The following ZFPM1 variants were observed in gnomAD, a reference collection of about 807,000 sequenced individuals.
ZFPM1 encodes zinc finger protein, FOG family member 1.
In ZFPM1, 28 loss-of-function variants were observed where a neutral mutation model predicts 46.3. That is an observed-to-expected ratio of 0.60 (90% confidence interval 0.45 to 0.83). The LOEUF is 0.83. Among genes scored for constraint, ZFPM1 ranks in the 40% least tolerant of loss-of-function variants. ZFPM1 has a pLI of 0.00. For synonymous variants in ZFPM1, 957 were observed against 675.9 expected (o/e 1.42, Z -6.45); for missense variants, 1,878 against 1,432.4 (o/e 1.31, Z -5.02).
chr16:88,534,912 G>T lies in ZFPM1; in HGVS notation c.2954G>T (p.Ser985Ile). ...CGTCTTTGCAACATCAAGTTCAGCA[G>T]CCTGTCCACCTTCATCGCCCACAAG... ...YCRLCNIKFS[S>I]LSTFIAHKKY... is the part of the protein sequence containing the mutation. Residue 985 changes from serine (S) to isoleucine (I), a missense_variant, in exon 10 of 10, where the codon AGC becomes ATC. Coordinates refer to ENST00000319555, the MANE Select transcript of ZFPM1 (RefSeq NM_153813.3). 1 of 1,558,684 alleles carries T rather than the reference G, an allele frequency of 6.4e-7. No individual in the cohort carries two copies. Among genetic ancestry groups the T allele is most frequent in the Non-Finnish European group, 8.7e-7 (1 of 1,155,562 alleles).
Position 88,528,071 on chromosome 16 carries a change from CG to C in ZFPM1, c.551del (p.Gly184AspfsTer3). ...TGCAGGGTCACCAAGCCGGTGCCTG[CG>C]GGGGGACTCCTGAGCGTGCTCCTCA... Reference protein sequence around the residue: ...LWCRVTKPVPAGGLLSVLLTA... With the variant: ...LWCRVTKPVPXGGLLSVLLTA... On this transcript the variant is annotated frameshift_variant, in exon 6 of 10. Coordinates refer to ENST00000319555, the MANE Select transcript of ZFPM1 (RefSeq NM_153813.3). LOFTEE classifies it high-confidence loss of function. 1.3e-6 allele frequency: 2 copies of C among 1,563,410 alleles called. No individual in the cohort carries two copies. Among genetic ancestry groups the C allele is most frequent in the Non-Finnish European group, 1.7e-6 (2 of 1,154,108 alleles).
chr16:88,491,482 G>A (rs111685492), intron 3 of ZFPM1, among the ~76,000 whole-genome samples: 5 of 152,346 alleles, frequency 3.3e-5, no homozygotes, highest in African/African-American at 4.8e-5. Flanking sequence ...CGCATCCACC[G>A]TCATGCGGCT....
chr16:88,470,972 G>A (rs936141660), intron 1 of ZFPM1, among the ~76,000 whole-genome samples: 6 of 152,248 alleles, frequency 3.9e-5, no homozygotes, highest in Admixed American at 3.9e-4. Flanking sequence ...GTGACGCACT[G>A]ACCCAGGGCC....
chr16:88,464,384 A>G (rs1908034216), intron 1 of ZFPM1, among the ~76,000 whole-genome samples: 1 of 152,224 alleles, frequency 6.6e-6, no homozygotes. Flanking sequence ...TGCAAGTCCC[A>G]AGGCAGGAGG....
chr16:88,453,187 G>T (rs917894189), upstream of ZFPM1: 3 of 146,878 alleles, frequency 2.0e-5, no homozygotes, highest in African/African-American at 7.5e-5. Context: ...TGCAGGGCCC[G>T]GCAGGAGGCA....
intron 3 of ZFPM1, among the ~76,000 whole-genome samples, chr16:88,493,235 C>G (rs565898660): frequency 0.018 from 681 of 36,930 alleles, no homozygotes; most frequent in Middle Eastern, 0.077. Flanking sequence ...AGCTGTCCCA[C>G]GGTGAGGAGA....
Position 88,533,528 on chromosome 16 carries a change from C to G in ZFPM1, c.1570C>G (p.Leu524Val). ...VPGELGLAGA[L>V]FLPQYVFGPD... is the part of the protein sequence containing the mutation. ...CGGCGAGCTGGGCCTGGCCGGGGCCCTGTTCCTTCCGCAGTACGTGTTCGG... is the reference window on the plus strand; with the variant it reads ...CGGCGAGCTGGGCCTGGCCGGGGCCGTGTTCCTTCCGCAGTACGTGTTCGG... The change falls in exon 10 of 10, where the codon CTG becomes GTG. Residue 524 changes from leucine (L) to valine (V), a missense_variant. By Grantham distance (32) the Leu-to-Val change is conservative (BLOSUM62 1). Coordinates refer to ENST00000319555, the MANE Select transcript of ZFPM1 (RefSeq NM_153813.3). The G allele has an allele frequency of 6.9e-7, 1 of 1,451,926 alleles. No homozygotes were observed. The highest frequency in any genetic ancestry group is 2.4e-4 in the Middle Eastern group (1 of 4,144). 89.9% of individuals were successfully genotyped at this position (1,451,926 alleles called of 1,614,324 possible).
At chr16:88,462,207 G>A (rs746232513) in intron 1 of ZFPM1, among the ~76,000 whole-genome samples, 1 of 152,214 alleles carries the variant, frequency 6.6e-6, no homozygotes, top group Non-Finnish European at 1.5e-5. Flanking sequence ...GTGGTCTTGG[G>A]AGCCTCAGCT....
intron 4 of ZFPM1, among the ~76,000 whole-genome samples, chr16:88,519,623 C>G (rs111172642): frequency 0.098 from 10,198 of 104,300 alleles, 839 homozygotes; most frequent in African/African-American, 0.26. Flanking sequence ...TGGGTGGATG[C>G]ATGATTAGGT....
At chr16:88,511,680 A>G (rs36075092) in intron 3 of ZFPM1, among the ~76,000 whole-genome samples, 56,284 of 152,002 alleles carry the variant, frequency 0.37, 11,037 homozygotes, top group African/African-American at 0.48. Context: ...CTGCAGGAAC[A>G]GGGCTGGAAA....
chr16:88,509,618 T>C (rs1910844341), intron 3 of ZFPM1, among the ~76,000 whole-genome samples: 1 of 151,922 alleles, frequency 6.6e-6, no homozygotes, highest in Non-Finnish European at 1.5e-5. Context: ...GAAACAGGCC[T>C]GGGGAGGCGG....
At chr16:88,478,714 G>A (rs992765254) in intron 1 of ZFPM1, among the ~76,000 whole-genome samples, 13 of 152,234 alleles carry the variant, frequency 8.5e-5, no homozygotes, top group Non-Finnish European at 1.5e-4. Flanking sequence ...AAAAGCCTCC[G>A]CCAGAGGGAT....
At chr16:88,482,436 C>G (rs1465442575) in intron 1 of ZFPM1, among the ~76,000 whole-genome samples, 1 of 152,170 alleles carries the variant, frequency 6.6e-6, no homozygotes, top group Non-Finnish European at 1.5e-5. Flanking sequence ...TGTGCTGGAA[C>G]TGAAATTAGC....
chr16:88,533,886 C>G lies in ZFPM1; in HGVS notation c.1928C>G (p.Ala643Gly). 9.9e-7 allele frequency: 1 copy of G among 1,008,654 alleles called. No homozygotes were observed. Among genetic ancestry groups the G allele is most frequent in the Non-Finnish European group, 1.2e-6 (1 of 847,090 alleles). The allele number at this position is 1,008,654 out of a possible 1,614,324, so 62.5% of individuals were successfully genotyped here. Reference protein sequence around the residue: ...DAPRSSPGPGAREEGAGGAAT... With the variant: ...DAPRSSPGPGGREEGAGGAAT... ...CCGCGCTCGTCCCCGGGCCCCGGAG[C>G]GCGCGAGGAGGGGGCTGGGGGCGCG... The change falls in exon 10 of 10, where the codon GCG (alanine) becomes GGG (glycine). Residue 643 changes from alanine (A) to glycine (G), a missense_variant. Ala to Gly is a moderately conservative substitution (Grantham distance 60, BLOSUM62 0). Coordinates refer to ENST00000319555, the MANE Select transcript of ZFPM1 (RefSeq NM_153813.3).
intron 1 of ZFPM1, among the ~76,000 whole-genome samples, chr16:88,485,046 C>T (rs897148203): frequency 6.6e-6 from 1 of 152,224 alleles, no homozygotes; most frequent in Non-Finnish European, 1.5e-5. Context: ...CTCCTTTGTG[C>T]TGGGTGAGGG....
At position 88,535,240 on chromosome 16, in the gene ZFPM1, C is replaced by A; in HGVS notation, c.*261C>A. On this transcript the variant is annotated 3_prime_UTR_variant, in exon 10 of 10. Coordinates refer to ENST00000319555, the MANE Select transcript of ZFPM1 (RefSeq NM_153813.3). ...GTGTCACATCCAGCCCTGCTGTGTA[C>A]ACAGGCCACTGCGGCCCGGAGTGGC... The A allele has an allele frequency of 3.0e-6, 1 of 331,870 alleles. No individual in the cohort carries two copies. 20.6% of individuals were successfully genotyped at this position (331,870 alleles called of 1,614,324 possible).
chr16:88,452,643 C>T (rs1190298370), upstream of ZFPM1, among the ~76,000 whole-genome samples: 1 of 152,278 alleles, frequency 6.6e-6, no homozygotes, highest in Non-Finnish European at 1.5e-5. Flanking sequence ...GCGTCAAGGC[C>T]TCGGGCTTCC....
intron 1 of ZFPM1, among the ~76,000 whole-genome samples, chr16:88,484,570 G>A (rs1184445538): frequency 2.0e-5 from 3 of 152,218 alleles, no homozygotes; most frequent in Admixed American, 6.5e-5. Flanking sequence ...TCCCACTCCT[G>A]AGTGTGTCGG....
intron 6 of ZFPM1, among the ~76,000 whole-genome samples, chr16:88,531,765 G>C (rs77744443): frequency 6.6e-6 from 1 of 152,184 alleles, no homozygotes; most frequent in Non-Finnish European, 1.5e-5. Context: ...GACCCATAGG[G>C]GTTCACTCAG....
Sources: allele counts gnomAD v4.1 joint callset (sites outside exome capture counted in the v4.1 genomes callset), GRCh38; gene constraint gnomAD v4.1.1; transcripts MANE v1.5; gene names NCBI Gene and HGNC (gene_info 2026-07-23, HGNC 2026-07-21).